CDH12: variants seen among roughly 807,000 people sequenced by gnomAD.
CDH12 encodes the protein cadherin-12.
A neutral mutation model predicts 74.1 loss-of-function variants in CDH12; 41 were observed. The ratio of observed to expected loss-of-function variants is 0.55; its 90% CI spans 0.43 to 0.72. The LOEUF is 0.72. Among genes scored for constraint, CDH12 ranks in the 30% least tolerant of loss-of-function variants. The pLI is 0.00. For synonymous variants in CDH12, 399 were observed against 355.0 expected (o/e 1.12, Z -1.39); for missense variants, 945 against 977.2 (o/e 0.97, Z 0.44).
intron 4 of CDH12, among the ~76,000 whole-genome samples, chr5:22,090,155 AATT>A (rs1743324765): frequency 1.3e-5 from 2 of 152,028 alleles, no homozygotes; most frequent in Admixed American, 1.3e-4. Flanking sequence ...GCTTAGTTAT[AATT>A]ATTACAAAAA....
At chr5:22,188,776 T>C (rs1228674538) in intron 4 of CDH12, among the ~76,000 whole-genome samples, 2 of 152,204 alleles carry the variant, frequency 1.3e-5, no homozygotes, top group Non-Finnish European at 2.9e-5. Context: ...TTTATTTATA[T>C]ATTTTCCTTA....
intron 1 of CDH12, among the ~76,000 whole-genome samples, chr5:22,768,647 T>C (rs981835578): frequency 2.0e-5 from 3 of 152,082 alleles, no homozygotes. Flanking sequence ...TCATCATCTA[T>C]AAAGAGAAGG....
intron 4 of CDH12, among the ~76,000 whole-genome samples, chr5:22,171,371 G>A (rs1749019504): frequency 6.6e-6 from 1 of 151,876 alleles, no homozygotes; most frequent in South Asian, 2.1e-4. Context: ...ATAAGATGTT[G>A]CTTAGATGTA....
intron 4 of CDH12, among the ~76,000 whole-genome samples, chr5:22,203,240 A>G (rs1027087912): frequency 1.3e-5 from 2 of 151,996 alleles, no homozygotes; most frequent in Non-Finnish European, 2.9e-5. Flanking sequence ...CTTTCTATAC[A>G]TCTTTTTCCC....
intron 1 of CDH12, among the ~76,000 whole-genome samples, chr5:22,697,527 G>C (rs915455706): frequency 7.2e-6 from 1 of 139,320 alleles, no homozygotes; most frequent in Non-Finnish European, 1.5e-5. Flanking sequence ...AGCCGAGATA[G>C]CACCACTGCA....
chr5:22,315,122 T>TTTTTTTG (rs1738572826), intron 3 of CDH12, among the ~76,000 whole-genome samples: 1 of 100,020 alleles, frequency 1.0e-5, no homozygotes, highest in African/African-American at 4.0e-5. Context: ...TGCCTGGCTT[T>TTTTTTTG]TTTTTTTTTT....
At chr5:22,360,074 T>C (rs909273341) in intron 3 of CDH12, among the ~76,000 whole-genome samples, 1 of 151,770 alleles carries the variant, frequency 6.6e-6, no homozygotes, top group Non-Finnish European at 1.5e-5. Context: ...AAGAAATAAC[T>C]AAGATCAGAG....
At chr5:22,278,415 G>T (rs1316032425) in intron 3 of CDH12, among the ~76,000 whole-genome samples, 1 of 152,122 alleles carries the variant, frequency 6.6e-6, no homozygotes, top group African/African-American at 2.4e-5. Flanking sequence ...AACATAGACA[G>T]TGTTCAAATG....
At chr5:21,832,557 A>G (rs1334810570) in intron 8 of CDH12, among the ~76,000 whole-genome samples, 3 of 151,436 alleles carry the variant, frequency 2.0e-5, no homozygotes, top group African/African-American at 7.3e-5. Context: ...ATACCACTAT[A>G]TATGAGTGTC....
intron 5 of CDH12, among the ~76,000 whole-genome samples, chr5:22,066,884 G>T (rs1355016078): frequency 6.6e-6 from 1 of 152,162 alleles, no homozygotes; most frequent in East Asian, 1.9e-4. Flanking sequence ...TAGTCAGGTG[G>T]TGACTCCAAC....
chr5:21,875,755 C>T (rs1478422763), intron 6 of CDH12, among the ~76,000 whole-genome samples: 1 of 152,132 alleles, frequency 6.6e-6, no homozygotes, highest in African/African-American at 2.4e-5. Flanking sequence ...ATCTTGCTTT[C>T]CCCTGAGCCT....
chr5:22,741,920 C>T (rs1745043738), intron 1 of CDH12, among the ~76,000 whole-genome samples: 1 of 152,160 alleles, frequency 6.6e-6, no homozygotes, highest in South Asian at 2.1e-4. Flanking sequence ...GTGGCTCATG[C>T]CTGTAATCCC....
intron 11 of CDH12, among the ~76,000 whole-genome samples, chr5:21,767,468 A>AT (rs1745092458): frequency 6.6e-6 from 1 of 151,588 alleles, no homozygotes; most frequent in African/African-American, 2.4e-5. Context: ...TAATATTGTA[A>AT]TTTTTTTATT....
chr5:22,003,072 G>C (rs766457475), intron 5 of CDH12, among the ~76,000 whole-genome samples: 1 of 152,018 alleles, frequency 6.6e-6, no homozygotes, highest in Non-Finnish European at 1.5e-5. Flanking sequence ...AATAATACCT[G>C]TATGGGAAAT....
chr5:22,200,127 T>C (rs1750843595), intron 4 of CDH12, among the ~76,000 whole-genome samples: 1 of 152,088 alleles, frequency 6.6e-6, no homozygotes, highest in South Asian at 2.1e-4. Context: ...AAAGGACAAA[T>C]AATAAAATAT....
chr5:22,774,737 T>C (rs572088634), intron 1 of CDH12, among the ~76,000 whole-genome samples: 1 of 152,158 alleles, frequency 6.6e-6, no homozygotes, highest in South Asian at 2.1e-4. Context: ...CTGTATAAAT[T>C]AACCAGTTTT....
chr5:22,653,220 C>T (rs546152127), intron 1 of CDH12, among the ~76,000 whole-genome samples: 245 of 152,126 alleles, frequency 1.6e-3, no homozygotes, highest in Middle Eastern at 6.8e-3. Context: ...GTCACCTTGC[C>T]CAGACCCATG....
At chr5:22,529,144 TAC>T (rs1561470377) in intron 1 of CDH12, among the ~76,000 whole-genome samples, 3 of 135,088 alleles carry the variant, frequency 2.2e-5, no homozygotes, top group African/African-American at 7.6e-5. Context: ...TGCATATATA[TAC>T]ACATATATAT....
intron 11 of CDH12, among the ~76,000 whole-genome samples, chr5:21,776,240 C>T (rs1459233408): frequency 1.3e-5 from 2 of 152,146 alleles, no homozygotes; most frequent in East Asian, 3.9e-4. Flanking sequence ...AGCCTACAAG[C>T]ACACTGAATC....
Sources: gnomAD v4.1 joint callset for allele counts (sites outside exome capture counted in the v4.1 genomes callset) on GRCh38, gnomAD v4.1.1 for gene constraint, MANE v1.5 for transcripts, NCBI Gene and HGNC (gene_info 2026-07-23, HGNC 2026-07-21) for gene names.